The following CLCN5 variants were observed in gnomAD, a reference collection of about 807,000 sequenced individuals.
The protein encoded by CLCN5 is Cl-/H+ antiporter 5, also known as H(+)/Cl(-) exchange transporter 5.
CLCN5 carries 17 observed loss-of-function variants against 54.0 expected under a neutral mutation model. The observed-to-expected ratio is 0.31, with a 90% CI of 0.22 to 0.47. The LOEUF is 0.47. CLCN5 is among the 20% of genes least tolerant of loss of function. The pLI is 1.00. For missense variants in CLCN5, 448 were observed against 646.7 expected, an observed-to-expected ratio of 0.69 and a Z score of 3.33; for synonymous variants, 222 against 233.0, an observed-to-expected ratio of 0.95 and a Z score of 0.43.
intron 3 of CLCN5, among the ~76,000 whole-genome samples, chrX:50,032,260 G>A (rs1472492415): frequency 6.3e-5 from 7 of 111,795 alleles, no homozygotes; most frequent in Non-Finnish European, 1.1e-4. Context: ...CGGTCAAATG[G>A]TATTTCTCGT....
intron 3 of CLCN5, among the ~76,000 whole-genome samples, chrX:49,978,303 G>A (rs1557177218): frequency 9.0e-6 from 1 of 111,511 alleles, no homozygotes; most frequent in African/African-American, 3.3e-5. Flanking sequence ...TTTTGCACTG[G>A]GCCCCACAGA....
chrX:49,978,153 G>T (rs992037619), intron 3 of CLCN5, among the ~76,000 whole-genome samples: 1 of 111,441 alleles, frequency 9.0e-6, no homozygotes, highest in African/African-American at 3.3e-5. Flanking sequence ...ATATACCCAG[G>T]GTGGACTTCA....
chrX:50,007,415 C>CTT (rs1930231468), intron 3 of CLCN5, among the ~76,000 whole-genome samples: 4 of 98,297 alleles, frequency 4.1e-5, no homozygotes, highest in African/African-American at 1.8e-4. Flanking sequence ...CTCTCTCTCT[C>CTT]TCTCTCTCTC....
chrX:49,944,993 C>G (rs1557171699), intron 3 of CLCN5, among the ~76,000 whole-genome samples: 1 of 112,282 alleles, frequency 8.9e-6, no homozygotes, highest in African/African-American at 3.2e-5. Flanking sequence ...GCCAGCTTTA[C>G]ATCTTTTCTG....
At chrX:49,947,457 T>C (rs782513794) in intron 3 of CLCN5, among the ~76,000 whole-genome samples, 5 of 110,504 alleles carry the variant, frequency 4.5e-5, no homozygotes, top group Non-Finnish European at 7.6e-5. Context: ...ATAGATGATA[T>C]ATGAAGCCTA....
At chrX:50,046,532 G>C (rs1219524262) in intron 4 of CLCN5, among the ~76,000 whole-genome samples, 1 of 111,193 alleles carries the variant, frequency 9.0e-6, no homozygotes, top group African/African-American at 3.3e-5. Context: ...AGGCCCCCTG[G>C]GGTGGGAAGG....
At chrX:50,010,640 G>A (rs1472740759) in intron 3 of CLCN5, 1 of 145,148 alleles carries the variant, frequency 6.9e-6, no homozygotes, top group Non-Finnish European at 1.5e-5. Flanking sequence ...CACATGTGAG[G>A]TGTACAGGTA....
intron 3 of CLCN5, among the ~76,000 whole-genome samples, chrX:49,993,106 G>T (rs184859572): frequency 2.7e-5 from 3 of 111,556 alleles, no homozygotes; most frequent in African/African-American, 9.8e-5. Flanking sequence ...GTGGATTTGG[G>T]TCTCTTCCTT....
At chrX:50,060,142 C>CG (rs1392516096) in intron 4 of CLCN5, among the ~76,000 whole-genome samples, 2 of 106,371 alleles carry the variant, frequency 1.9e-5, no homozygotes, top group East Asian at 2.9e-4. Context: ...AAGACAGTCA[C>CG]GGGGGGAGGA....
intron 14 of CLCN5, among the ~76,000 whole-genome samples, chrX:50,091,303 A>G (rs1557194794): frequency 8.9e-6 from 1 of 111,963 alleles, no homozygotes; most frequent in Non-Finnish European, 1.9e-5. Context: ...TCTCCAGCTA[A>G]TAAATAGTAG....
chrX:50,081,209 G>C (rs1162817328), intron 8 of CLCN5, among the ~76,000 whole-genome samples: 1 of 109,299 alleles, frequency 9.1e-6, no homozygotes, highest in African/African-American at 3.3e-5. Context: ...TCCTGACCAG[G>C]TAATAAGTCA....
intron 3 of CLCN5, among the ~76,000 whole-genome samples, chrX:50,034,718 A>G (rs1209749452): frequency 9.0e-6 from 1 of 111,168 alleles, no homozygotes; most frequent in Non-Finnish European, 1.9e-5. Flanking sequence ...ACAGGATGCC[A>G]GTAAGCCATA....
chrX:50,019,160 GT>G (rs1332825107), intron 3 of CLCN5, among the ~76,000 whole-genome samples: 1 of 111,494 alleles, frequency 9.0e-6, no homozygotes, highest in Non-Finnish European at 1.9e-5. Flanking sequence ...CCTTGCATGA[GT>G]TTTGGTAGAT....
intron 3 of CLCN5, among the ~76,000 whole-genome samples, chrX:50,037,379 G>A (rs1205039574): frequency 8.9e-6 from 1 of 112,332 alleles, no homozygotes; most frequent in Non-Finnish European, 1.9e-5. Flanking sequence ...ATCTGTGCAT[G>A]TAGGTGGCCT....
At chrX:49,936,033 G>C (rs1395411014) in intron 3 of CLCN5, among the ~76,000 whole-genome samples, 1 of 111,194 alleles carries the variant, frequency 9.0e-6, no homozygotes, top group Non-Finnish European at 1.9e-5. Flanking sequence ...TCTTTAATGA[G>C]TAATAACTGC....
intron 4 of CLCN5, among the ~76,000 whole-genome samples, chrX:50,057,723 A>C (rs1212226425): frequency 9.5e-6 from 1 of 105,740 alleles, no homozygotes; most frequent in Non-Finnish European, 2.0e-5. Flanking sequence ...GGCTACTCCA[A>C]CTACATTTGC....
At chrX:49,944,834 A>G (rs1330749876) in intron 3 of CLCN5, among the ~76,000 whole-genome samples, 4 of 111,644 alleles carry the variant, frequency 3.6e-5, no homozygotes, top group Admixed American at 9.5e-5. Flanking sequence ...TTTTGCATCG[A>G]TGCTCATCAG....
intron 3 of CLCN5, among the ~76,000 whole-genome samples, chrX:49,983,314 C>T (rs1928838602): frequency 1.8e-5 from 2 of 111,652 alleles, no homozygotes; most frequent in Admixed American, 9.5e-5. Flanking sequence ...TCCACATAGC[C>T]CCACAGTTAT....
intron 4 of CLCN5, among the ~76,000 whole-genome samples, chrX:50,052,554 A>G (rs960725637): frequency 6.3e-5 from 7 of 111,528 alleles, no homozygotes; most frequent in Admixed American, 5.7e-4. Flanking sequence ...TTGGCCTCAT[A>G]GCGTAACTTA....
Sources: gnomAD v4.1 joint callset for allele counts (sites outside exome capture counted in the v4.1 genomes callset) on GRCh38, gnomAD v4.1.1 for gene constraint, MANE v1.5 for transcripts, NCBI Gene and HGNC (gene_info 2026-07-23, HGNC 2026-07-21) for gene names.